Variants in PTPRM observed in about 807,000 individuals in gnomAD.
The protein encoded by PTPRM is protein tyrosine phosphatase receptor type M.
PTPRM carries 47 observed loss-of-function variants against 186.7 expected under a neutral mutation model. The observed-to-expected ratio is 0.25, with a 90% CI of 0.20 to 0.32. PTPRM has a LOEUF of 0.32. Among genes scored for constraint, PTPRM ranks in the 10% least tolerant of loss-of-function variants. PTPRM has a pLI of 1.00. For missense variants in PTPRM, 1,494 were observed against 1,865.0 expected, an observed-to-expected ratio of 0.80 and a Z score of 3.66; for synonymous variants, 668 against 674.9, an observed-to-expected ratio of 0.99 and a Z score of 0.16.
chr18:7,682,054 G>C (rs1340496743), intron 1 of PTPRM, among the ~76,000 whole-genome samples: 3 of 152,192 alleles, frequency 2.0e-5, no homozygotes, highest in African/African-American at 7.2e-5. Context: ...GGGTAGGTAT[G>C]ATTATGATTT....
chr18:8,387,868 G>C (rs1264308336), intron 31 of PTPRM, among the ~76,000 whole-genome samples: 1 of 151,850 alleles, frequency 6.6e-6, no homozygotes, highest in East Asian at 1.9e-4. Context: ...TTTTGCAGGT[G>C]CTAAATATGG....
At chr18:7,734,314 C>A (rs114470183) in intron 1 of PTPRM, among the ~76,000 whole-genome samples, 6 of 152,244 alleles carry the variant, frequency 3.9e-5, no homozygotes, top group African/African-American at 1.2e-4. Flanking sequence ...CTGTTGAAAG[C>A]AAATGAGGGC....
At chr18:8,140,600 A>G (rs2092744127) in intron 13 of PTPRM, among the ~76,000 whole-genome samples, 1 of 151,962 alleles carries the variant, frequency 6.6e-6, no homozygotes, top group Non-Finnish European at 1.5e-5. Context: ...GGCATCTGTG[A>G]GGATTATGCT....
At chr18:7,592,395 C>G (rs2037149877) in intron 1 of PTPRM, among the ~76,000 whole-genome samples, 2 of 152,274 alleles carry the variant, frequency 1.3e-5, no homozygotes, top group South Asian at 2.1e-4. Context: ...ATCATATATT[C>G]CACTCAACAG....
chr18:7,884,512 C>A (rs962368724), intron 2 of PTPRM, among the ~76,000 whole-genome samples: 1 of 152,104 alleles, frequency 6.6e-6, no homozygotes, highest in Non-Finnish European at 1.5e-5. Context: ...GAATTGCCTC[C>A]CAAGGACCTG....
intron 2 of PTPRM, among the ~76,000 whole-genome samples, chr18:7,839,590 C>T (rs1285828708): frequency 6.6e-6 from 1 of 152,224 alleles, no homozygotes; most frequent in East Asian, 1.9e-4. Flanking sequence ...CCCCAGACTT[C>T]CCCCACCTCT....
intron 2 of PTPRM, among the ~76,000 whole-genome samples, chr18:7,801,398 C>T (rs73395417): frequency 0.015 from 2,245 of 152,218 alleles, 55 homozygotes; most frequent in African/African-American, 0.051. Flanking sequence ...CTGTCTTCAA[C>T]CTCCACATCT....
intron 23 of PTPRM, among the ~76,000 whole-genome samples, chr18:8,370,655 A>T (rs1389721215): frequency 6.6e-6 from 1 of 152,136 alleles, no homozygotes; most frequent in African/African-American, 2.4e-5. Context: ...GTAAAAATAC[A>T]ATTTTTTAAA....
At chr18:7,934,237 CCTTT>C (rs1490842784) in intron 5 of PTPRM, among the ~76,000 whole-genome samples, 2 of 152,234 alleles carry the variant, frequency 1.3e-5, no homozygotes, top group East Asian at 3.9e-4. Flanking sequence ...TTGAGCTCTT[CCTTT>C]GAGGAGTTTA....
intron 32 of PTPRM, among the ~76,000 whole-genome samples, chr18:8,405,654 T>G (rs1598643069): frequency 6.6e-6 from 1 of 152,288 alleles, no homozygotes; most frequent in East Asian, 1.9e-4. Context: ...CTCATGAGAT[T>G]GAGGAATTCC....
chr18:8,076,604 C>T, intron 9 of PTPRM, 40 bp downstream of exon 9: 1 of 1,053,880 alleles, frequency 9.5e-7, no homozygotes, highest in Non-Finnish European at 1.4e-6. Flanking sequence ...ATTAGAAATA[C>T]TCATGATCAT....
intron 2 of PTPRM, among the ~76,000 whole-genome samples, chr18:7,874,763 C>G (rs2048150051): frequency 6.6e-6 from 1 of 152,306 alleles, no homozygotes; most frequent in South Asian, 2.1e-4. Context: ...AAATCTGTTT[C>G]TAGACCACCT....
chr18:8,029,536 C>T (rs2085815534), intron 7 of PTPRM, among the ~76,000 whole-genome samples: 1 of 152,190 alleles, frequency 6.6e-6, no homozygotes, highest in Non-Finnish European at 1.5e-5. Context: ...TTTGGGAAAC[C>T]ATCCTGTGCT....
In PTPRM at chr18:8,126,002, TATATATATATATATATA is replaced by T. The variant is rs1378692707; in HGVS notation, c.2167+11176_2167+11192del. Among the ~76,000 whole-genome samples, 11 of 18,050 alleles carry T rather than the reference TATATATATATATATATA, an allele frequency of 6.1e-4. 1 individual carries two copies. The highest frequency in any genetic ancestry group is 2.2e-3 in the South Asian group (1 of 462). 11.8% of individuals were successfully genotyped at this position (18,050 alleles called of 152,430 possible). A position where few individuals can be genotyped will look rare whatever the true frequency, so the allele number is the denominator to read the frequency against. On this transcript the variant is annotated intron_variant, in intron 13 of 32. Coordinates refer to ENST00000580170, the MANE Select transcript of PTPRM (RefSeq NM_001105244.2). ...ATATATATATATATATATATATATA[TATATATATATATATATA>T]TATATATATTTTAAATCAGTAGACC...
intron 1 of PTPRM, among the ~76,000 whole-genome samples, chr18:7,600,782 A>G (rs1015916126): frequency 6.6e-6 from 1 of 152,108 alleles, no homozygotes; most frequent in Non-Finnish European, 1.5e-5. Flanking sequence ...CTTGATGCAC[A>G]CCAGGCTGTG....
At chr18:7,736,777 T>C (rs1240176451) in intron 1 of PTPRM, among the ~76,000 whole-genome samples, 3 of 152,190 alleles carry the variant, frequency 2.0e-5, no homozygotes, top group Non-Finnish European at 4.4e-5. Context: ...AATTATGAGT[T>C]GATTTTTAAC....
chr18:8,376,016 T>C (rs764274828), intron 24 of PTPRM, 30 bp from the exon 25 acceptor site: 2 of 1,588,222 alleles, frequency 1.3e-6, no homozygotes, highest in Admixed American at 3.4e-5. Flanking sequence ...CCTTGTTCTC[T>C]TCCTTGTTCT....
intron 20 of PTPRM, among the ~76,000 whole-genome samples, chr18:8,308,253 A>T (rs1477014215): frequency 6.6e-6 from 1 of 152,206 alleles, no homozygotes; most frequent in Non-Finnish European, 1.5e-5. Context: ...ACAGAGAAGC[A>T]AAGTAGAGAA....
chr18:7,703,873 T>C (rs2040019258), intron 1 of PTPRM, among the ~76,000 whole-genome samples: 1 of 152,220 alleles, frequency 6.6e-6, no homozygotes, highest in Non-Finnish European at 1.5e-5. Context: ...TTAAGAGTTT[T>C]TAGCATGAAG....
Sources: gnomAD v4.1 joint callset for allele counts (sites outside exome capture counted in the v4.1 genomes callset) on GRCh38, gnomAD v4.1.1 for gene constraint, MANE v1.5 for transcripts, NCBI Gene and HGNC (gene_info 2026-07-23, HGNC 2026-07-21) for gene names.